The following PKNOX2 variants were observed in gnomAD, a reference collection of about 807,000 sequenced individuals.
PKNOX2 encodes the protein homeobox protein PKNOX2.
Under a neutral mutation model 53.1 loss-of-function variants are expected in PKNOX2, and 14 were observed. The observed-to-expected ratio is 0.26, with a 90% CI of 0.17 to 0.41. The LOEUF is 0.41. Among genes scored for constraint, PKNOX2 ranks in the 10% least tolerant of loss-of-function variants. PKNOX2 has a pLI of 1.00. For missense variants in PKNOX2, 496 were observed against 602.8 expected, an observed-to-expected ratio of 0.82 and a Z score of 1.85; for synonymous variants, 257 against 242.8, an observed-to-expected ratio of 1.06 and a Z score of -0.54.
chr11:125,281,530 T>C (rs924903695), intron 2 of PKNOX2, among the ~76,000 whole-genome samples: 1 of 152,212 alleles, frequency 6.6e-6, no homozygotes, highest in African/African-American at 2.4e-5. Flanking sequence ...ATTTATCAAA[T>C]GGGGATAATA....
chr11:125,229,815 G>A (rs1011826464), intron 1 of PKNOX2, among the ~76,000 whole-genome samples: 3 of 152,180 alleles, frequency 2.0e-5, no homozygotes, highest in Admixed American at 6.5e-5. Context: ...CCTCATGCTC[G>A]AGGGTTTACC....
intron 2 of PKNOX2, chr11:125,330,521 C>T (rs1950078899): frequency 1.3e-5 from 2 of 152,286 alleles, no homozygotes; most frequent in African/African-American, 2.4e-5. Context: ...ATCCAGAGAG[C>T]TTTTGTTAAT....
rs116608180 is a variant in PKNOX2 at position 125,309,981 on chromosome 11, G to A, written c.-129-21838G>A. 7.9e-3 allele frequency among the ~76,000 whole-genome samples: 1,209 copies of A among 152,206 alleles called. 14 individuals are homozygous for A. The highest frequency in any genetic ancestry group is 0.028 in the African/African-American group (1,142 of 41,514). Reference sequence around the variant, plus strand: ...CACTCACCTAGCTAAAAACTCTTCCGGTTCCGCCATTCAAGCTACTCTTCT... The same window carrying A: ...CACTCACCTAGCTAAAAACTCTTCCAGTTCCGCCATTCAAGCTACTCTTCT... On this transcript the variant is annotated intron_variant, in intron 2 of 12. Transcript: ENST00000298282.
intron 1 of PKNOX2, among the ~76,000 whole-genome samples, chr11:125,220,763 C>G (rs1263445042): frequency 6.6e-6 from 1 of 152,150 alleles, no homozygotes; most frequent in Non-Finnish European, 1.5e-5. Flanking sequence ...AGGGGATGTT[C>G]CTCCGAAGTT....
At chr11:125,200,812 G>A (rs11219969) in intron 1 of PKNOX2, among the ~76,000 whole-genome samples, 1,730 of 152,316 alleles carry the variant, frequency 0.011, 25 homozygotes, top group African/African-American at 0.039. Flanking sequence ...CCTTGATGAG[G>A]AACGGTTAAG....
intron 5 of PKNOX2, 117 bp from the exon 6 acceptor site, chr11:125,385,434 A>T (rs1953557623): frequency 8.5e-7 from 1 of 1,175,036 alleles, no homozygotes; most frequent in South Asian, 1.6e-5. Context: ...GTTATCAAGG[A>T]GTGGGACCTT....
At position 125,401,261 on chromosome 11, in the gene PKNOX2, C is replaced by T. The variant is rs147706599; in HGVS notation, c.588+3199C>T. Among the ~76,000 whole-genome samples the T allele has an allele frequency of 7.4e-3, 1,126 of 152,026 alleles. 47 individuals are homozygous for T. Among genetic ancestry groups the T allele is most frequent in the Admixed American group, 0.064 (973 of 15,264 alleles). On this transcript the variant is annotated intron_variant, in intron 7 of 12. Transcript: ENST00000298282. ...GCACACAAACCCAGGAAAAGGGAGA[C>T]GATACTGAGAACGACGGGGCAGAAG...
chr11:125,172,124 G>A (rs937645798), intron 1 of PKNOX2, among the ~76,000 whole-genome samples: 12 of 152,144 alleles, frequency 7.9e-5, no homozygotes, highest in Non-Finnish European at 5.9e-5. Flanking sequence ...GGTGCTCTGC[G>A]CTGTCCTGGG....
chr11:125,233,298 G>T (rs1377678561), intron 1 of PKNOX2, among the ~76,000 whole-genome samples: 4 of 152,182 alleles, frequency 2.6e-5, no homozygotes, highest in Admixed American at 1.3e-4. Context: ...GTCCCACAGG[G>T]CAGGGATAGA....
chr11:125,351,777 A>G (rs1951339400), intron 4 of PKNOX2, among the ~76,000 whole-genome samples: 1 of 151,588 alleles, frequency 6.6e-6, no homozygotes. Flanking sequence ...TGTTTGAGAA[A>G]CTTCACACTC....
At chr11:125,224,401 G>A (rs1941500571) in intron 1 of PKNOX2, among the ~76,000 whole-genome samples, 1 of 152,236 alleles carries the variant, frequency 6.6e-6, no homozygotes, top group Admixed American at 6.5e-5. Context: ...GCCCCTCGGA[G>A]GAGCCATGCG....
chr11:125,168,644 A>G (rs1406179308), intron 1 of PKNOX2, among the ~76,000 whole-genome samples: 17 of 152,212 alleles, frequency 1.1e-4, no homozygotes, highest in Non-Finnish European at 2.4e-4. Context: ...ATTAGAGACC[A>G]AGGCATGCCT....
At chr11:125,217,008 AACACACACACAC>A (rs10571639) in intron 1 of PKNOX2, among the ~76,000 whole-genome samples, 10 of 147,120 alleles carry the variant, frequency 6.8e-5, no homozygotes, top group African/African-American at 1.0e-4. Flanking sequence ...ATCCCCTCAA[AACACACACACAC>A]ACACACACAC....
intron 1 of PKNOX2, among the ~76,000 whole-genome samples, chr11:125,200,221 G>C (rs1438558271): frequency 1.3e-5 from 2 of 152,186 alleles, no homozygotes; most frequent in African/African-American, 4.8e-5. Flanking sequence ...ACAGCCATTA[G>C]TCCCATGAAG....
chr11:125,182,536 C>T (rs768843663), intron 1 of PKNOX2, among the ~76,000 whole-genome samples: 36 of 152,222 alleles, frequency 2.4e-4, no homozygotes, highest in Non-Finnish European at 3.2e-4. Flanking sequence ...ATAACTATGT[C>T]ATGGTGCTGT....
chr11:125,312,461 C>A (rs1231708739), intron 2 of PKNOX2, among the ~76,000 whole-genome samples: 1 of 152,194 alleles, frequency 6.6e-6, no homozygotes, highest in African/African-American at 2.4e-5. Context: ...GCACCAGGTT[C>A]TGTGGGAAGT....
intron 1 of PKNOX2, among the ~76,000 whole-genome samples, chr11:125,206,516 C>G (rs1313060871): frequency 2.0e-5 from 3 of 152,032 alleles, no homozygotes; most frequent in African/African-American, 7.2e-5. Context: ...AAATGCCTTG[C>G]TAAGGAGCGT....
At chr11:125,217,860 C>T (rs908530986) in intron 1 of PKNOX2, among the ~76,000 whole-genome samples, 27 of 152,110 alleles carry the variant, frequency 1.8e-4, no homozygotes, top group African/African-American at 5.3e-4. Context: ...ATAAGGAAAC[C>T]GAATTGCAGT....
chr11:125,307,377 G>A (rs1390005041), intron 2 of PKNOX2, among the ~76,000 whole-genome samples: 2 of 152,262 alleles, frequency 1.3e-5, no homozygotes, highest in East Asian at 3.9e-4. Context: ...GGCCAACATG[G>A]TGAAACCCTG....
Sources: gnomAD v4.1 joint callset for allele counts (sites outside exome capture counted in the v4.1 genomes callset) on GRCh38, gnomAD v4.1.1 for gene constraint, MANE v1.5 for transcripts, NCBI Gene and HGNC (gene_info 2026-07-23, HGNC 2026-07-21) for gene names.